TMEM232: variants seen among roughly 807,000 people sequenced by gnomAD.
The protein encoded by TMEM232 is transmembrane protein 232.
A neutral mutation model predicts 78.8 loss-of-function variants in TMEM232; 80 were observed. The observed-to-expected ratio is 1.01, with a 90% CI of 0.85 to 1.22. The LOEUF (loss-of-function observed/expected upper bound fraction) is 1.22. Among genes scored for constraint, TMEM232 ranks in the 50% most tolerant of loss-of-function variants. The pLI, the probability that TMEM232 is intolerant of heterozygous loss-of-function variation, is 0.00. For synonymous variants in TMEM232, 297 were observed against 254.3 expected (o/e 1.17, Z -1.60); for missense variants, 881 against 742.2 (o/e 1.19, Z -2.17).
chr5:110,521,814 C>T (rs1258683533), intron 12 of TMEM232, among the ~76,000 whole-genome samples: 1 of 152,112 alleles, frequency 6.6e-6, no homozygotes, highest in Non-Finnish European at 1.5e-5. Flanking sequence ...TTCATTTAGC[C>T]TATACATCTG....
At chr5:110,644,960 A>C (rs533274670) in intron 2 of TMEM232, among the ~76,000 whole-genome samples, 1 of 151,686 alleles carries the variant, frequency 6.6e-6, no homozygotes, top group South Asian at 2.1e-4. Context: ...CCAATTATAT[A>C]CCAACAAATT....
chr5:110,395,228 C>A (rs995447958), intron 3 of TMEM232, among the ~76,000 whole-genome samples: 2 of 152,086 alleles, frequency 1.3e-5, no homozygotes, highest in Non-Finnish European at 2.9e-5. Flanking sequence ...ATAGAAGAGA[C>A]AGGGGAGAGT....
intron 8 of TMEM232, among the ~76,000 whole-genome samples, chr5:110,615,087 G>A (rs1267614193): frequency 1.3e-5 from 2 of 151,874 alleles, no homozygotes; most frequent in Non-Finnish European, 2.9e-5. Flanking sequence ...ACAAATTATT[G>A]ATGAACTCTA....
At position 110,426,556 on chromosome 5, in the gene TMEM232, T is replaced by C. The variant is rs62376065; in HGVS notation, c.1704-1640A>G. Among the ~76,000 whole-genome samples, 396 of 152,118 alleles carry C rather than the reference T, an allele frequency of 2.6e-3. 2 individuals are homozygous for C. Among genetic ancestry groups the C allele is most frequent in the Non-Finnish European group, 4.3e-3 (289 of 67,946 alleles). On this transcript the variant is annotated intron_variant, in intron 12 of 13. Transcript: ENST00000455884. Reference sequence around the variant, plus strand: ...AAATGGAGGGCAATCTCAGGAGACATGTTGAGAGTAGAGTTGACAGTAGGA... The same window carrying C: ...AAATGGAGGGCAATCTCAGGAGACACGTTGAGAGTAGAGTTGACAGTAGGA...
chr5:110,521,412 G>T (rs575256885), intron 12 of TMEM232, among the ~76,000 whole-genome samples: 7 of 152,156 alleles, frequency 4.6e-5, no homozygotes, highest in Non-Finnish European at 8.8e-5. Context: ...TAATCTGTAG[G>T]ATGACTTTTA....
At chr5:110,524,834 C>T (rs1770330866) in intron 12 of TMEM232, among the ~76,000 whole-genome samples, 1 of 151,962 alleles carries the variant, frequency 6.6e-6, no homozygotes, top group South Asian at 2.1e-4. Flanking sequence ...ATGTTGGGTA[C>T]ATATATATTT....
rs889235741 is a variant in TMEM232 at position 110,594,929 on chromosome 5, G to A, written c.1276+10180C>T. The stretch of plus-strand genomic sequence containing the variant: ...CACAGTGCTTAAGCTCTGCTAAAGG[G>A]CAGACTGCCCCCTCAAATGGGTCGG... On this transcript the variant is annotated intron_variant, in intron 10 of 13. Transcript: ENST00000455884. 2.6e-5 allele frequency among the ~76,000 whole-genome samples: 4 copies of A among 152,330 alleles called. No homozygotes were observed. In the South Asian group the frequency reaches 6.2e-4, roughly 24 times the overall value.
At chr5:110,588,855 T>C (rs1198277894) in intron 10 of TMEM232, among the ~76,000 whole-genome samples, 1 of 152,148 alleles carries the variant, frequency 6.6e-6, no homozygotes, top group Non-Finnish European at 1.5e-5. Flanking sequence ...GACTTAGTAC[T>C]CTGAGATATT....
intron 12 of TMEM232, among the ~76,000 whole-genome samples, chr5:110,451,911 CAATT>C (rs1760337522): frequency 6.6e-6 from 1 of 151,984 alleles, no homozygotes; most frequent in East Asian, 1.9e-4. Flanking sequence ...TATAGTTCAC[CAATT>C]TATTTAACAG....
intron 12 of TMEM232, among the ~76,000 whole-genome samples, chr5:110,518,386 C>T (rs1385622937): frequency 2.0e-5 from 3 of 152,128 alleles, no homozygotes; most frequent in Non-Finnish European, 4.4e-5. Flanking sequence ...TCTTCCATGT[C>T]TGTCCTTCGG....
chr5:110,583,966 C>CAAAAAAAAAAAAAAAA (rs60079206), intron 10 of TMEM232, among the ~76,000 whole-genome samples: 2 of 99,064 alleles, frequency 2.0e-5, no homozygotes, highest in Non-Finnish European at 4.4e-5. Flanking sequence ...TATCTATTAT[C>CAAAAAAAAAAAAAAAA]AAAAAAAAAA....
At chr5:110,546,632 A>T (rs1281180500) in intron 11 of TMEM232, among the ~76,000 whole-genome samples, 2 of 152,144 alleles carry the variant, frequency 1.3e-5, no homozygotes, top group Non-Finnish European at 2.9e-5. Context: ...TAACTTAAAT[A>T]AGAGTAGAAT....
intron 11 of TMEM232, among the ~76,000 whole-genome samples, chr5:110,538,789 G>T (rs946289267): frequency 6.6e-5 from 10 of 151,618 alleles, no homozygotes; most frequent in Admixed American, 4.6e-4. Flanking sequence ...GGTAATTCTG[G>T]ATGTCATGGG....
chr5:110,442,969 C>T (rs948208237), intron 12 of TMEM232, among the ~76,000 whole-genome samples: 1 of 152,142 alleles, frequency 6.6e-6, no homozygotes, highest in South Asian at 2.1e-4. Flanking sequence ...CACCTGGAAC[C>T]AGGGGTGTGG....
intron 10 of TMEM232, among the ~76,000 whole-genome samples, chr5:110,575,143 A>G (rs1218464256): frequency 6.6e-6 from 1 of 152,068 alleles, no homozygotes; most frequent in Non-Finnish European, 1.5e-5. Context: ...TTATACTATA[A>G]TAATACAAAT....
intron 1 of TMEM232, among the ~76,000 whole-genome samples, chr5:110,719,179 G>A (rs1023785359): frequency 2.6e-5 from 4 of 151,130 alleles, no homozygotes; most frequent in African/African-American, 9.8e-5. Flanking sequence ...ATATACATAT[G>A]TATATACATG....
chr5:110,418,949 T>C (rs1473198204), downstream of TMEM232, among the ~76,000 whole-genome samples: 3 of 152,136 alleles, frequency 2.0e-5, no homozygotes, highest in African/African-American at 4.8e-5. Flanking sequence ...ATAAAAAGAT[T>C]ACAAATTAGA....
chr5:110,392,232 G>A (rs1295404396), intron 3 of TMEM232, among the ~76,000 whole-genome samples: 1 of 152,192 alleles, frequency 6.6e-6, no homozygotes, highest in Non-Finnish European at 1.5e-5. Flanking sequence ...TCCCAAAAGA[G>A]CACAAGGAGG....
intron 11 of TMEM232, among the ~76,000 whole-genome samples, chr5:110,531,772 C>G (rs1381900211): frequency 6.6e-6 from 1 of 152,104 alleles, no homozygotes; most frequent in East Asian, 1.9e-4. Flanking sequence ...AATATAAAAA[C>G]CCAGCCCAGT....
Sources: allele counts gnomAD v4.1 joint callset (sites outside exome capture counted in the v4.1 genomes callset), GRCh38; gene constraint gnomAD v4.1.1; transcripts MANE v1.5; gene names NCBI Gene and HGNC (gene_info 2026-07-23, HGNC 2026-07-21).